DDC: variants seen among roughly 807,000 people sequenced by gnomAD.
The protein encoded by DDC is aromatic-L-amino-acid decarboxylase.
Under a neutral mutation model 60.0 loss-of-function variants are expected in DDC, and 43 were observed. The ratio of observed to expected loss-of-function variants is 0.72; its 90% CI spans 0.56 to 0.92. DDC has a LOEUF of 0.92. DDC is among the 40% of genes least tolerant of loss of function. The pLI is 0.00. For synonymous variants in DDC, 232 were observed against 234.6 expected (o/e 0.99, Z 0.10); for missense variants, 573 against 620.2 (o/e 0.92, Z 0.81).
intron 8 of DDC, among the ~76,000 whole-genome samples, chr7:50,496,325 G>A (rs1366145394): frequency 2.0e-5 from 3 of 152,106 alleles, no homozygotes; most frequent in Non-Finnish European, 4.4e-5. Context: ...TTGGGCTTAA[G>A]CCGTCCTCTT....
At chr7:50,467,091 T>G (rs2042415785) in intron 13 of DDC, 123 bp downstream of exon 13, 5 of 931,814 alleles carry the variant, frequency 5.4e-6, no homozygotes, top group South Asian at 5.2e-5. Flanking sequence ...GGCCAAAGAA[T>G]GCAGGCTTTG....
At chr7:50,461,955 G>A (rs904312058) in intron 14 of DDC, among the ~76,000 whole-genome samples, 2 of 152,102 alleles carry the variant, frequency 1.3e-5, no homozygotes, top group African/African-American at 4.8e-5. Context: ...CAACTTTCAG[G>A]AGCCATGGAC....
chr7:50,492,675 T>TA, intron 9 of DDC: 5 of 1,043,602 alleles, frequency 4.8e-6, no homozygotes, highest in Non-Finnish European at 5.9e-6. Flanking sequence ...TAATTCCTTC[T>TA]ACAAGGAAAT....
intron 6 of DDC, among the ~76,000 whole-genome samples, chr7:50,524,515 C>T (rs2043986219): frequency 6.6e-6 from 1 of 152,098 alleles, no homozygotes; most frequent in South Asian, 2.1e-4. Context: ...GGGCAAAAGA[C>T]ATAAAGACAC....
intron 14 of DDC, among the ~76,000 whole-genome samples, chr7:50,462,301 T>C (rs1224068035): frequency 4.7e-5 from 7 of 149,336 alleles, no homozygotes; most frequent in Admixed American, 4.7e-4. Context: ...ATTCTTAAGA[T>C]AACCTAATGA....
At chr7:50,561,647 G>A (rs2045345395) in intron 1 of DDC, among the ~76,000 whole-genome samples, 1 of 151,622 alleles carries the variant, frequency 6.6e-6, no homozygotes, top group Non-Finnish European at 1.5e-5. Flanking sequence ...GCAGCAACAG[G>A]GAGGATCATC....
Position 50,504,041 on chromosome 7 carries a change from T to G in DDC, c.733A>C (p.Thr245Pro), listed in dbSNP as rs762645841. Residue 245 changes from threonine to proline, a missense_variant, in exon 7 of 15, where the codon ACC (threonine) becomes CCC (proline). Transcript: ENST00000444124. ...TTGTCAAAGGAGCAGCATGTTGTGG[T>G]CCCCAGGGTGGCAACCATCTAGAGG... ...IPFFMVATLG[T>P]TTCCSFDNLL... The G allele has an allele frequency of 6.2e-7, 1 of 1,613,774 alleles. No individual in the cohort carries two copies. Among genetic ancestry groups the G allele is most frequent in the South Asian group, 1.1e-5 (1 of 91,072 alleles).
At chr7:50,511,325 AAT>A (rs66816215) in intron 6 of DDC, among the ~76,000 whole-genome samples, 151,768 of 151,770 alleles carry the variant, frequency 1, 75,883 homozygotes, top group Non-Finnish European at 1. Flanking sequence ...ACTTTTATAT[AAT>A]ATATATAATG....
intron 14 of DDC, among the ~76,000 whole-genome samples, chr7:50,460,173 C>T (rs1472452205): frequency 7.0e-5 from 10 of 142,032 alleles, no homozygotes; most frequent in South Asian, 2.2e-4. Context: ...CCGCCCCGTC[C>T]GGGAAGGAGG....
chr7:50,500,244 T>G (rs1347127873), intron 7 of DDC, among the ~76,000 whole-genome samples: 1 of 151,984 alleles, frequency 6.6e-6, no homozygotes, highest in Non-Finnish European at 1.5e-5. Context: ...TCACTCACCA[T>G]CCATGGTGCT....
chr7:50,553,224 C>T lies in DDC; in HGVS notation c.-28-9111G>A, dbSNP rs182426099. Among the ~76,000 whole-genome samples, 4 of 152,262 alleles carry T rather than the reference C, an allele frequency of 2.6e-5. No homozygotes were observed. The East Asian group carries it at 5.8e-4, about 22-fold the overall frequency. ...CAAGACATGATTTTGCTGCAAACACCGGGATACTGGAGACTTTGTTCAGCC... is the reference window on the plus strand; with the variant it reads ...CAAGACATGATTTTGCTGCAAACACTGGGATACTGGAGACTTTGTTCAGCC... On this transcript the variant is annotated intron_variant, in intron 1 of 14. Coordinates refer to ENST00000444124, the MANE Select transcript of DDC (RefSeq NM_001082971.2).
chr7:50,543,072 T>C (rs1056087228), intron 2 of DDC: 1 of 152,876 alleles, frequency 6.5e-6, no homozygotes, highest in Non-Finnish European at 1.5e-5. Flanking sequence ...GATCAACCAG[T>C]GGAGCCCACG....
At chr7:50,521,551 A>C (rs2043890633) in intron 6 of DDC, among the ~76,000 whole-genome samples, 1 of 152,210 alleles carries the variant, frequency 6.6e-6, no homozygotes, top group Non-Finnish European at 1.5e-5. Flanking sequence ...AATGTAAAAA[A>C]AATTATATAT....
At chr7:50,534,922 C>A (rs1279368678) in intron 4 of DDC, among the ~76,000 whole-genome samples, 2 of 152,184 alleles carry the variant, frequency 1.3e-5, no homozygotes, top group Non-Finnish European at 1.5e-5. Context: ...GGACAGTGTG[C>A]AGTAGCTCCC....
chr7:50,505,192 G>A (rs6592961), intron 6 of DDC, among the ~76,000 whole-genome samples: 42,013 of 152,036 alleles, frequency 0.28, 6,295 homozygotes, highest in African/African-American at 0.37. Context: ...TGCTCCCAAA[G>A]CCAGGGACCC....
chr7:50,510,470 A>G (rs2043526753), intron 6 of DDC, among the ~76,000 whole-genome samples: 1 of 151,442 alleles, frequency 6.6e-6, no homozygotes, highest in Non-Finnish European at 1.5e-5. Flanking sequence ...GGAGTTTAAG[A>G]CCAGTCTGAC....
chr7:50,504,109 G>T, intron 6 of DDC, 50 bp from the exon 7 acceptor site: 4 of 1,341,828 alleles, frequency 3.0e-6, no homozygotes, highest in Non-Finnish European at 3.2e-6. Flanking sequence ...GCCAGTCACC[G>T]CTGTAACCTC....
chr7:50,479,444 A>G (rs2042718455), intron 10 of DDC, among the ~76,000 whole-genome samples: 1 of 152,202 alleles, frequency 6.6e-6, no homozygotes, highest in South Asian at 2.1e-4. Flanking sequence ...TGTAGACATT[A>G]TGGCTGTCAT....
intron 9 of DDC, among the ~76,000 whole-genome samples, chr7:50,483,881 G>A (rs1183397768): frequency 6.7e-6 from 1 of 149,110 alleles, no homozygotes; most frequent in Non-Finnish European, 1.5e-5. Context: ...TCCAGCCTGG[G>A]CGACAGAGCA....
Sources: allele counts gnomAD v4.1 joint callset (sites outside exome capture counted in the v4.1 genomes callset), GRCh38; gene constraint gnomAD v4.1.1; transcripts MANE v1.5; gene names NCBI Gene and HGNC (gene_info 2026-07-23, HGNC 2026-07-21).